BANP: variants seen among roughly 807,000 people sequenced by gnomAD.
The protein encoded by BANP is BTG3 associated nuclear protein.
Under a neutral mutation model 68.1 loss-of-function variants are expected in BANP, and 11 were observed. That is an observed-to-expected ratio of 0.16 (90% CI 0.10 to 0.27). BANP has a LOEUF of 0.27. BANP is among the 10% of genes least tolerant of loss of function. BANP has a pLI of 1.00. For synonymous variants in BANP, 329 were observed against 303.2 expected, an observed-to-expected ratio of 1.09 and a Z score of -0.88; for missense variants, 504 against 722.7, an observed-to-expected ratio of 0.70 and a Z score of 3.47.
chr16:87,954,999 GC>G (rs1478895552), intron 1 of BANP, among the ~76,000 whole-genome samples: 1 of 152,234 alleles, frequency 6.6e-6, no homozygotes, highest in Non-Finnish European at 1.5e-5. Flanking sequence ...GGTGGCTCTG[GC>G]CCTGTGGCCT....
chr16:87,972,111 C>A (rs1172550473), intron 1 of BANP, among the ~76,000 whole-genome samples: 7 of 152,168 alleles, frequency 4.6e-5, no homozygotes, highest in Admixed American at 4.6e-4. Context: ...TCTTTAGCAT[C>A]TCCTATTATA....
intron 8 of BANP, among the ~76,000 whole-genome samples, chr16:88,031,986 G>A (rs1317488118): frequency 1.3e-5 from 2 of 152,052 alleles, no homozygotes; most frequent in Non-Finnish European, 2.9e-5. Flanking sequence ...TGTATTTTTA[G>A]TAGAGACGGG....
rs1222691731 is a variant in BANP, at chr16:88,002,719, G to GA, written c.363-1568dup. 3.3e-5 allele frequency among the ~76,000 whole-genome samples: 5 copies of GA among 151,698 alleles called. No homozygotes were observed. The highest frequency in any genetic ancestry group is 6.6e-5 in the Admixed American group (1 of 15,260). On this transcript the variant is annotated intron_variant, in intron 4 of 13. Coordinates refer to ENST00000682872, the MANE Select transcript of BANP (RefSeq NM_001386991.1). This position sits in a 1 kb window ranked among gnomAD's most constrained non-coding sequence, Gnocchi z 4.6. ...CTTCACCTTAATAAGGATCTTCAAG[G>GA]AAAAAAAAGGTATATTTGGTCAAAT...
chr16:87,984,859 T>C (rs1477515847), intron 4 of BANP, among the ~76,000 whole-genome samples: 9 of 152,210 alleles, frequency 5.9e-5, no homozygotes, highest in African/African-American at 1.4e-4. Context: ...CTGGTGTCGC[T>C]AGCCTTCCCC....
chr16:87,980,294 T>C (rs1369150743), intron 2 of BANP, among the ~76,000 whole-genome samples: 5 of 152,246 alleles, frequency 3.3e-5, no homozygotes, highest in Non-Finnish European at 7.3e-5. Flanking sequence ...CACAGACAGA[T>C]AGAAATGTGA....
chr16:87,951,282 C>G (rs1354917685), upstream of BANP: 1 of 152,274 alleles, frequency 6.6e-6, no homozygotes. Flanking sequence ...AGAAGGCCGC[C>G]TGCGCATGCT....
In BANP at chr16:88,004,587, G is replaced by A. The variant is rs1307684329; in HGVS notation, c.479+176G>A. On this transcript the variant is annotated intron_variant, in intron 5 of 13. Coordinates refer to ENST00000682872, the MANE Select transcript of BANP (RefSeq NM_001386991.1). This position sits in a 1 kb window ranked among gnomAD's most constrained non-coding sequence, Gnocchi z 7.0. ...TGAGGTCGGGGAGGGCAGGCTGGGC[G>A]ATGCTGAATGCTGAGTCCAGCCACA... 2.6e-5 allele frequency among the ~76,000 whole-genome samples: 4 copies of A among 152,200 alleles called. No homozygotes were observed. The highest frequency in any genetic ancestry group is 9.6e-5 in the African/African-American group (4 of 41,462).
intron 1 of BANP, among the ~76,000 whole-genome samples, chr16:87,967,744 C>T (rs1053834724): frequency 1.3e-5 from 2 of 151,986 alleles, no homozygotes; most frequent in Non-Finnish European, 2.9e-5. Context: ...GCCTCAGCCT[C>T]CCGAGTAGCT....
In BANP at chr16:87,957,181, A is replaced by G. The variant is rs1214586688; in HGVS notation, c.-69+5666A>G. On this transcript the variant is annotated intron_variant, in intron 1 of 13. Coordinates refer to ENST00000682872, the MANE Select transcript of BANP (RefSeq NM_001386991.1). This position sits in a 1 kb window ranked among gnomAD's most constrained non-coding sequence, Gnocchi z 4.3. Reference sequence around the variant, plus strand: ...GCAGACTCCACGACTCGCTGCTCCCATGGGAGGTGTCTCTCTGGGGAAGGG... The same window carrying G: ...GCAGACTCCACGACTCGCTGCTCCCGTGGGAGGTGTCTCTCTGGGGAAGGG... 1 of 152,230 alleles carries G rather than the reference A, an allele frequency of 6.6e-6. No individual in the cohort carries two copies. Among genetic ancestry groups the G allele is most frequent in the Non-Finnish European group, 1.5e-5 (1 of 68,066 alleles). The allele number at this position is 152,230 out of a possible 1,614,324, so 9.4% of individuals were successfully genotyped here.
intron 11 of BANP, among the ~76,000 whole-genome samples, chr16:88,065,010 T>C (rs2088108578): frequency 6.6e-6 from 1 of 152,276 alleles, no homozygotes; most frequent in Non-Finnish European, 1.5e-5. Context: ...TCCCTGCAGC[T>C]GCCAGCCCGC....
chr16:87,974,748 G>A lies in BANP; in HGVS notation c.-68-300G>A, dbSNP rs562731530. Among the ~76,000 whole-genome samples the A allele has an allele frequency of 4.6e-5, 7 of 152,264 alleles. No individual in the cohort carries two copies. The East Asian group carries it at 1.4e-3, about 29-fold the overall frequency. On this transcript the variant is annotated intron_variant, in intron 1 of 13. Transcript: ENST00000682872. ...GGAGACTTGGGCTGAGGGAGAGGAC[G>A]TTTCCAAGCCAGTGTTGGGAAGGTG...
At chr16:87,966,087 T>G (rs1333233405) in intron 1 of BANP, among the ~76,000 whole-genome samples, 7 of 152,264 alleles carry the variant, frequency 4.6e-5, no homozygotes, top group Admixed American at 1.3e-4. Flanking sequence ...GCTTTCCATT[T>G]GTATGCCTTC....
At chr16:88,039,688 T>G (rs1217881893) in intron 11 of BANP, among the ~76,000 whole-genome samples, 1 of 142,754 alleles carries the variant, frequency 7.0e-6, no homozygotes, top group Non-Finnish European at 1.6e-5. Flanking sequence ...CCAGCTTTTC[T>G]CAGCAGGCAT....
intron 2 of BANP, among the ~76,000 whole-genome samples, chr16:87,977,832 G>T (rs1228117055): frequency 3.5e-5 from 4 of 114,534 alleles, no homozygotes; most frequent in Admixed American, 1.9e-4. Flanking sequence ...GCAGTTGATT[G>T]ATTGTGATAT....
intron 11 of BANP, among the ~76,000 whole-genome samples, chr16:88,052,767 C>T (rs1053712206): frequency 6.6e-6 from 1 of 151,850 alleles, no homozygotes; most frequent in African/African-American, 2.4e-5. Flanking sequence ...CCATTACCAT[C>T]TCCATCATCA....
chr16:88,051,015 G>A (rs1264503120), intron 11 of BANP, among the ~76,000 whole-genome samples: 1 of 152,184 alleles, frequency 6.6e-6, no homozygotes, highest in Non-Finnish European at 1.5e-5. Flanking sequence ...TTGCTGGTAG[G>A]TTGCAGAGAT....
At chr16:87,998,048 G>C (rs1041329684) in intron 4 of BANP, among the ~76,000 whole-genome samples, 1 of 152,178 alleles carries the variant, frequency 6.6e-6, no homozygotes, top group Non-Finnish European at 1.5e-5. Context: ...TTTGCTTTCG[G>C]CACGCAGAGC....
rs1219701959 is a variant in BANP at position 87,981,024 on chromosome 16, C to T, written c.71-12C>T. On this transcript the variant is annotated splice_polypyrimidine_tract_variant and intron_variant, in intron 2 of 13. Coordinates refer to ENST00000682872, the MANE Select transcript of BANP (RefSeq NM_001386991.1). ...CATGTTAAACATTTTTTTTCTCTGT[C>T]ACTGATTTCAGTTGTTTTGGAGAAT... 1.9e-6 allele frequency: 3 copies of T among 1,594,528 alleles called. No homozygotes were observed. The highest frequency in any genetic ancestry group is 2.7e-5 in the African/African-American group (2 of 74,482).
At chr16:87,968,106 C>T (rs180809709) in intron 1 of BANP, among the ~76,000 whole-genome samples, 162 of 151,548 alleles carry the variant, frequency 1.1e-3, no homozygotes, top group Admixed American at 2.0e-3. Context: ...GTTCTGAAAG[C>T]AATCTGTGAC....
Sources: gnomAD v4.1 joint callset for allele counts (sites outside exome capture counted in the v4.1 genomes callset) on GRCh38, gnomAD v4.1.1 for gene constraint, Gnocchi (gnomAD v3.1) non-coding constraint, MANE v1.5 for transcripts, NCBI Gene and HGNC (gene_info 2026-07-23, HGNC 2026-07-21) for gene names.